The following CADPS2 variants were observed in gnomAD, a reference collection of about 807,000 sequenced individuals.
CADPS2 encodes the protein calcium dependent secretion activator 2.
CADPS2 carries 93 observed loss-of-function variants against 172.5 expected under a neutral mutation model. The observed-to-expected ratio is 0.54, with a 90% CI of 0.46 to 0.64. The LOEUF (loss-of-function observed/expected upper bound fraction) is 0.64, where lower values mean the gene tolerates loss of function less well. Among genes scored for constraint, CADPS2 ranks in the 30% least tolerant of loss-of-function variants. CADPS2 has a pLI of 0.00. For missense variants in CADPS2, 1,420 were observed against 1,565.9 expected, an observed-to-expected ratio of 0.91 and a Z score of 1.57; for synonymous variants, 546 against 555.2, an observed-to-expected ratio of 0.98 and a Z score of 0.23.
Position 122,481,184 on chromosome 7 carries a change from T to C in CADPS2, c.1853-324A>G, listed in dbSNP as rs914400504. On this transcript the variant is annotated intron_variant, in intron 11 of 29. Transcript: ENST00000449022. ...ATTCTTTTTTTTTTTTTTTTTTTTT[T>C]TGACGGAGTCTTGCTCTGTTGCCCA... Among the ~76,000 whole-genome samples, 4 of 118,858 alleles carry C rather than the reference T, an allele frequency of 3.4e-5. No individual in the cohort carries two copies. The Admixed American group carries it at 3.8e-4, about 11-fold the overall frequency. 78.0% of individuals were successfully genotyped at this position (118,858 alleles called of 152,430 possible).
intron 27 of CADPS2, among the ~76,000 whole-genome samples, chr7:122,346,370 A>G (rs1324539584): frequency 1.3e-5 from 2 of 152,162 alleles, no homozygotes; most frequent in Non-Finnish European, 2.9e-5. Context: ...CCTGTCTCAA[A>G]CAAACAAATG....
intron 29 of CADPS2, among the ~76,000 whole-genome samples, chr7:122,321,322 G>A (rs574162085): frequency 1.3e-5 from 2 of 152,140 alleles, no homozygotes; most frequent in Admixed American, 6.5e-5. Flanking sequence ...GTGTGCTACT[G>A]CGCTCGGCTA....
intron 9 of CADPS2, among the ~76,000 whole-genome samples, chr7:122,492,497 A>C (rs2058381793): frequency 6.6e-6 from 1 of 152,100 alleles, no homozygotes. Context: ...ATGTTTCATT[A>C]GCCCAGTTTG....
intron 8 of CADPS2, among the ~76,000 whole-genome samples, chr7:122,551,172 C>T (rs2064235470): frequency 6.6e-6 from 1 of 151,976 alleles, no homozygotes; most frequent in Admixed American, 6.6e-5. Flanking sequence ...GAACTAAACA[C>T]CATTTATTTC....
chr7:122,821,483 C>T (rs1350197455), intron 1 of CADPS2, among the ~76,000 whole-genome samples: 1 of 152,180 alleles, frequency 6.6e-6, no homozygotes, highest in African/African-American at 2.4e-5. Flanking sequence ...ATTAGCTTTA[C>T]TCAACATGCC....
chr7:122,729,676 G>GTTTTTTTTTT (rs56993717), intron 2 of CADPS2, among the ~76,000 whole-genome samples: 2 of 94,238 alleles, frequency 2.1e-5, no homozygotes, highest in Non-Finnish European at 4.1e-5. Flanking sequence ...ATTTTTAACG[G>GTTTTTTTTTT]TTTTTTTTTT....
chr7:122,471,593 G>GT (rs745656097), intron 13 of CADPS2, 31 bp from the exon 14 acceptor site: 15 of 1,510,580 alleles, frequency 9.9e-6, no homozygotes, highest in Admixed American at 2.3e-5. Context: ...AGATATACAT[G>GT]TTTTTTCTTT....
intron 25 of CADPS2, among the ~76,000 whole-genome samples, chr7:122,370,916 G>T (rs2041688808): frequency 6.6e-6 from 1 of 152,106 alleles, no homozygotes; most frequent in Non-Finnish European, 1.5e-5. Context: ...TTTCTTGTGG[G>T]TCAACCTTTC....
At chr7:122,780,430 G>C (rs1792383368) in intron 1 of CADPS2, among the ~76,000 whole-genome samples, 1 of 152,064 alleles carries the variant, frequency 6.6e-6, no homozygotes, top group Admixed American at 6.6e-5. Context: ...CACAGCTACT[G>C]TTTTTAAAAA....
At chr7:122,772,819 A>G (rs2093744124) in intron 1 of CADPS2, among the ~76,000 whole-genome samples, 1 of 152,166 alleles carries the variant, frequency 6.6e-6, no homozygotes, top group South Asian at 2.1e-4. Context: ...ATGCCTAGAT[A>G]AGATACTTAA....
chr7:122,749,305 T>A (rs1256525942), intron 1 of CADPS2, among the ~76,000 whole-genome samples: 1 of 152,002 alleles, frequency 6.6e-6, no homozygotes, highest in Non-Finnish European at 1.5e-5. Flanking sequence ...CACCACTGTA[T>A]AATAATAGGT....
At chr7:122,684,508 T>C (rs888613955) in intron 2 of CADPS2, among the ~76,000 whole-genome samples, 11 of 152,186 alleles carry the variant, frequency 7.2e-5, no homozygotes, top group Non-Finnish European at 1.3e-4. Context: ...ATTTGTTCTT[T>C]CACGTATCAA....
chr7:122,486,793 T>C (rs2057857556), intron 11 of CADPS2, among the ~76,000 whole-genome samples: 1 of 152,134 alleles, frequency 6.6e-6, no homozygotes, highest in Admixed American at 6.5e-5. Context: ...TTCATCCTTG[T>C]CTTATTTTAA....
At chr7:122,812,380 G>A (rs1297859589) in intron 1 of CADPS2, among the ~76,000 whole-genome samples, 2 of 149,430 alleles carry the variant, frequency 1.3e-5, no homozygotes, top group Non-Finnish European at 3.0e-5. Context: ...TTTTAAGGTG[G>A]AAATCATAAC....
intron 12 of CADPS2, chr7:122,480,212 G>T (rs1245980948): frequency 2.2e-6 from 1 of 451,370 alleles, no homozygotes; most frequent in African/African-American, 2.0e-5. Flanking sequence ...AAGTGGAATA[G>T]ATTTGCTTAT....
At chr7:122,339,413 G>A (rs11762444) in intron 28 of CADPS2, among the ~76,000 whole-genome samples, 31,767 of 152,012 alleles carry the variant, frequency 0.21, 3,832 homozygotes, top group East Asian at 0.45. Flanking sequence ...ACTGTGTATC[G>A]TGAAAGTTCT....
intron 8 of CADPS2, 50 bp from the exon 9 acceptor site, chr7:122,513,365 G>C: frequency 7.4e-7 from 1 of 1,355,654 alleles, no homozygotes. Context: ...ATAATGTTGT[G>C]CTTCCATGTA....
intron 1 of CADPS2, 121 bp downstream of exon 1, chr7:122,885,878 A>C: frequency 8.2e-7 from 1 of 1,214,756 alleles, no homozygotes; most frequent in Non-Finnish European, 1.2e-6. Flanking sequence ...CTCTGCCCTC[A>C]GAGACTAACA....
intron 2 of CADPS2, among the ~76,000 whole-genome samples, chr7:122,705,083 A>C (rs1252176895): frequency 6.6e-6 from 1 of 151,954 alleles, no homozygotes; most frequent in Non-Finnish European, 1.5e-5. Context: ...TATAATTGAC[A>C]ATGCTTCCAT....
Sources: allele counts gnomAD v4.1 joint callset (sites outside exome capture counted in the v4.1 genomes callset), GRCh38; gene constraint gnomAD v4.1.1; transcripts MANE v1.5; gene names NCBI Gene and HGNC (gene_info 2026-07-23, HGNC 2026-07-21).